The following ARHGAP15 variants were observed in gnomAD, a reference collection of about 807,000 sequenced individuals.
ARHGAP15 encodes the protein Rho GTPase activating protein 15, also known as rho GTPase-activating protein 15.
ARHGAP15 carries 51 observed loss-of-function variants against 63.7 expected under a neutral mutation model. The ratio of observed to expected loss-of-function variants is 0.80; its 90% CI spans 0.64 to 1.01. ARHGAP15 has a LOEUF of 1.01. ARHGAP15 is among the 50% of genes least tolerant of loss of function. The probability of loss-of-function intolerance (pLI) is 0.00; values close to 1 mark genes in which losing one functional copy is unlikely to be tolerated. For synonymous variants in ARHGAP15, 191 were observed against 193.8 expected, an observed-to-expected ratio of 0.99 and a Z score of 0.12; for missense variants, 560 against 564.6, an observed-to-expected ratio of 0.99 and a Z score of 0.08.
At position 143,768,217 on chromosome 2, in the gene ARHGAP15, CTAA is replaced by C. The variant is rs1559168135; in HGVS notation, c.*48_*50del. ...AATACGTTCACATCTGTCTTGATGC[CTAA>C]TATTTTTACATTTCTGTAAACATAT... On this transcript the variant is annotated 3_prime_UTR_variant, in exon 14 of 14. Coordinates refer to ENST00000295095, the MANE Select transcript of ARHGAP15 (RefSeq NM_018460.4). The C allele has an allele frequency of 2.0e-6, 3 of 1,469,774 alleles. No homozygotes were observed. The highest frequency in any genetic ancestry group is 2.2e-5 in the Admixed American group (1 of 44,590). 91.0% of individuals were successfully genotyped at this position (1,469,774 alleles called of 1,614,324 possible).
At chr2:143,350,364 C>T (rs1685502901) in intron 6 of ARHGAP15, among the ~76,000 whole-genome samples, 1 of 152,108 alleles carries the variant, frequency 6.6e-6, no homozygotes, top group African/African-American at 2.4e-5. Context: ...GAACTCTACA[C>T]TCATGAACAT....
At chr2:143,163,046 G>A (rs1690360819) in intron 2 of ARHGAP15, among the ~76,000 whole-genome samples, 1 of 151,944 alleles carries the variant, frequency 6.6e-6, no homozygotes, top group South Asian at 2.1e-4. Context: ...TTATAACCTT[G>A]ATTAACCTAA....
chr2:143,674,391 T>G (rs1682722486), intron 12 of ARHGAP15, among the ~76,000 whole-genome samples: 1 of 152,164 alleles, frequency 6.6e-6, no homozygotes, highest in Non-Finnish European at 1.5e-5. Context: ...TATACCTACA[T>G]TATTCCGTTT....
intron 11 of ARHGAP15, among the ~76,000 whole-genome samples, chr2:143,617,078 A>G (rs1698481122): frequency 6.6e-6 from 1 of 152,232 alleles, no homozygotes; most frequent in Non-Finnish European, 1.5e-5. Flanking sequence ...GCATGTTTGT[A>G]GAGAAAATCA....
rs369327090 is a variant in ARHGAP15, at chr2:143,768,098, A to G, written c.1354A>G (p.Met452Val). 5.0e-6 allele frequency: 8 copies of G among 1,613,740 alleles called. No homozygotes were observed. The highest frequency in any genetic ancestry group is 3.3e-5 in the South Asian group (3 of 91,084). ...TGAAACAGGAAACATGGCGATCCAC[A>G]TGGTCTACCAGAACCAGATAGCTGA... ...ENETGNMAIHMVYQNQIAELM... is the reference protein window; with the variant it reads ...ENETGNMAIHVVYQNQIAELM... The change falls in exon 14 of 14, where the codon ATG becomes GTG. Residue 452 changes from methionine to valine, a missense_variant. By Grantham distance (21) the Met-to-Val change is conservative. Coordinates refer to ENST00000295095, the MANE Select transcript of ARHGAP15 (RefSeq NM_018460.4).
At chr2:143,713,264 C>T (rs928133731) in intron 13 of ARHGAP15, among the ~76,000 whole-genome samples, 8 of 152,068 alleles carry the variant, frequency 5.3e-5, no homozygotes, top group African/African-American at 1.7e-4. Context: ...CAAGAGAAAA[C>T]AAAGAAGAAG....
intron 6 of ARHGAP15, among the ~76,000 whole-genome samples, chr2:143,340,486 T>C (rs1218958454): frequency 1.3e-5 from 2 of 152,004 alleles, no homozygotes; most frequent in African/African-American, 2.4e-5. Flanking sequence ...CTGTCTATTA[T>C]AGCTGATTTT....
intron 6 of ARHGAP15, among the ~76,000 whole-genome samples, chr2:143,363,397 T>C (rs1686147724): frequency 6.6e-6 from 1 of 151,968 alleles, no homozygotes; most frequent in South Asian, 2.1e-4. Flanking sequence ...AAAAATTAAT[T>C]GGGCTTGGAG....
intron 12 of ARHGAP15, among the ~76,000 whole-genome samples, chr2:143,697,762 G>C (rs1388139120): frequency 6.6e-6 from 1 of 152,106 alleles, no homozygotes; most frequent in Middle Eastern, 3.2e-3. Flanking sequence ...GCATTAAAAA[G>C]TGTATCCTCA....
intron 6 of ARHGAP15, among the ~76,000 whole-genome samples, chr2:143,261,530 G>A (rs1680724495): frequency 6.7e-6 from 1 of 149,924 alleles, no homozygotes; most frequent in Non-Finnish European, 1.5e-5. Context: ...AATATTTTTA[G>A]TAGAGACGGG....
intron 3 of ARHGAP15, among the ~76,000 whole-genome samples, chr2:143,207,182 A>G (rs1055606937): frequency 3.3e-5 from 5 of 151,948 alleles, no homozygotes; most frequent in Non-Finnish European, 5.9e-5. Context: ...TCTTAAGGCT[A>G]TTTGTTGATT....
intron 8 of ARHGAP15, among the ~76,000 whole-genome samples, chr2:143,462,334 G>A (rs1690984149): frequency 6.6e-6 from 1 of 152,024 alleles, no homozygotes; most frequent in Non-Finnish European, 1.5e-5. Flanking sequence ...AAAAATGACA[G>A]CTTACAGTTT....
intron 9 of ARHGAP15, among the ~76,000 whole-genome samples, chr2:143,516,223 T>C (rs963477381): frequency 8.5e-5 from 13 of 152,228 alleles, no homozygotes; most frequent in African/African-American, 3.1e-4. Flanking sequence ...TACCAGAGCC[T>C]TTCCTAGCTC....
At chr2:143,218,340 C>T (rs7579060) in intron 4 of ARHGAP15, among the ~76,000 whole-genome samples, 101,938 of 140,434 alleles carry the variant, frequency 0.73, 37,205 homozygotes, top group East Asian at 0.94. Context: ...CAGAATTGAG[C>T]TGATTATATC....
chr2:143,615,802 C>T (rs72992549), intron 11 of ARHGAP15, among the ~76,000 whole-genome samples: 69 of 152,232 alleles, frequency 4.5e-4, no homozygotes, highest in African/African-American at 1.5e-3. Context: ...CTATGATTCT[C>T]TCCCCTTTGG....
chr2:143,165,069 C>T (rs1443749725), intron 2 of ARHGAP15, among the ~76,000 whole-genome samples: 1 of 151,894 alleles, frequency 6.6e-6, no homozygotes, highest in Non-Finnish European at 1.5e-5. Context: ...AATCATTATT[C>T]TTTTTTATGT....
intron 12 of ARHGAP15, among the ~76,000 whole-genome samples, chr2:143,667,369 A>G (rs1682262947): frequency 1.5e-5 from 2 of 136,736 alleles, no homozygotes; most frequent in African/African-American, 5.4e-5. Context: ...GAATTGAACA[A>G]TGAGATCACA....
At chr2:143,707,445 T>C (rs771908881) in intron 13 of ARHGAP15, among the ~76,000 whole-genome samples, 22 of 152,146 alleles carry the variant, frequency 1.4e-4, no homozygotes, top group African/African-American at 7.2e-5. Context: ...AAAACAGACA[T>C]GGGAAAGAAG....
chr2:143,195,754 T>C (rs1691864574), intron 2 of ARHGAP15, among the ~76,000 whole-genome samples: 2 of 152,162 alleles, frequency 1.3e-5, no homozygotes, highest in Admixed American at 1.3e-4. Flanking sequence ...ATGCTTTTCT[T>C]CAAGTGATTT....
Sources: gnomAD v4.1 joint callset for allele counts (sites outside exome capture counted in the v4.1 genomes callset) on GRCh38, gnomAD v4.1.1 for gene constraint, MANE v1.5 for transcripts, NCBI Gene and HGNC (gene_info 2026-07-23, HGNC 2026-07-21) for gene names.